LIN7A: variants seen among roughly 807,000 people sequenced by gnomAD.
LIN7A encodes lin-7 cell polarity scaffold A, also known as protein lin-7 homolog A.
A neutral mutation model predicts 29.8 loss-of-function variants in LIN7A; 25 were observed. The ratio of observed to expected loss-of-function variants is 0.84; its 90% CI spans 0.61 to 1.17. The LOEUF (loss-of-function observed/expected upper bound fraction) is 1.17, where lower values mean the gene tolerates loss of function less well. Among genes scored for constraint, LIN7A ranks in the 50% most tolerant of loss-of-function variants. The probability of loss-of-function intolerance (pLI) is 0.00; values close to 1 mark genes in which losing one functional copy is unlikely to be tolerated. For missense variants in LIN7A, 239 were observed against 287.0 expected, an observed-to-expected ratio of 0.83 and a Z score of 1.21; for synonymous variants, 118 against 107.5, an observed-to-expected ratio of 1.10 and a Z score of -0.60.
chr12:80,931,542 G>A (rs1877904895), intron 1 of LIN7A, among the ~76,000 whole-genome samples: 1 of 151,630 alleles, frequency 6.6e-6, no homozygotes, highest in African/African-American at 2.4e-5. Flanking sequence ...GGAGGCTGAG[G>A]CCAGAGAATC....
chr12:80,800,788 A>T (rs930936835), intron 5 of LIN7A, among the ~76,000 whole-genome samples: 2 of 152,064 alleles, frequency 1.3e-5, no homozygotes, highest in Non-Finnish European at 2.9e-5. Flanking sequence ...CCAGACGAAG[A>T]CACTAGAAGA....
chr12:80,863,323 T>C (rs905791093), intron 2 of LIN7A, among the ~76,000 whole-genome samples: 1 of 152,226 alleles, frequency 6.6e-6, no homozygotes, highest in Non-Finnish European at 1.5e-5. Flanking sequence ...AGGCAGTAAA[T>C]ATGCATAATT....
intron 2 of LIN7A, among the ~76,000 whole-genome samples, chr12:80,857,897 A>C (rs1023343504): frequency 6.6e-6 from 1 of 152,112 alleles, no homozygotes; most frequent in Admixed American, 6.6e-5. Context: ...CGTCTCCAGC[A>C]CTCTACCTCT....
chr12:80,872,794 A>G (rs1327007576), intron 2 of LIN7A, among the ~76,000 whole-genome samples: 1 of 152,236 alleles, frequency 6.6e-6, no homozygotes, highest in African/African-American at 2.4e-5. Context: ...TTACTGTCCC[A>G]TATATGAAGA....
chr12:80,924,627 A>G (rs1877479756), intron 1 of LIN7A, among the ~76,000 whole-genome samples: 2 of 152,332 alleles, frequency 1.3e-5, no homozygotes, highest in South Asian at 2.1e-4. Context: ...GGACTCAGTC[A>G]TCTGGATCCA....
At chr12:80,845,465 T>A (rs1192125950) in intron 4 of LIN7A, 1 of 363,686 alleles carries the variant, frequency 2.7e-6, no homozygotes, top group Non-Finnish European at 4.9e-6. Flanking sequence ...CTTGGAGTAT[T>A]ATGGGAAGAA....
chr12:80,937,575 T>C lies in LIN7A; in HGVS notation c.82+66A>G. Reference sequence around the variant, plus strand: ...GCGCGTCCCATGTCCCGTTGGGAATTGGCAGGCGGGGAAGGGAGGAGGGGA... The same window carrying C: ...GCGCGTCCCATGTCCCGTTGGGAATCGGCAGGCGGGGAAGGGAGGAGGGGA... On this transcript the variant is annotated intron_variant, in intron 1 of 5. Coordinates refer to ENST00000552864, the MANE Select transcript of LIN7A (RefSeq NM_004664.4). The C allele has an allele frequency of 5.8e-6, 7 of 1,204,474 alleles. No individual in the cohort carries two copies. The South Asian group carries it at 9.0e-5, about 16-fold the overall frequency. The allele number at this position is 1,204,474 out of a possible 1,614,324, so 74.6% of individuals were successfully genotyped here. A position where few individuals can be genotyped will look rare whatever the true frequency, so the allele number is the denominator to read the frequency against.
chr12:80,832,830 A>C (rs1685223160), intron 4 of LIN7A, among the ~76,000 whole-genome samples: 1 of 152,176 alleles, frequency 6.6e-6, no homozygotes, highest in South Asian at 2.1e-4. Context: ...GAACTAATTT[A>C]GTTTAAGATA....
intron 4 of LIN7A, among the ~76,000 whole-genome samples, chr12:80,841,406 A>AGGAAG (rs1872816492): frequency 6.7e-6 from 1 of 148,210 alleles, no homozygotes; most frequent in Admixed American, 6.7e-5. Flanking sequence ...GAAGGAAGGA[A>AGGAAG]GGAGGGAAAG....
At chr12:80,873,633 G>A (rs1874533079) in intron 2 of LIN7A, among the ~76,000 whole-genome samples, 1 of 151,530 alleles carries the variant, frequency 6.6e-6, no homozygotes, top group African/African-American at 2.4e-5. Flanking sequence ...CCTGTGCATT[G>A]TCAACAAGGT....
rs552737061 is a variant in LIN7A at position 80,889,560 on chromosome 12, G to A, written c.83-191C>T. On this transcript the variant is annotated intron_variant, in intron 1 of 5. Transcript: ENST00000552864. ...TCATTTTAATTTGTTCCACACATCTGTCACTTCATACATTTTCTTTGATGG... is the reference window on the plus strand; with the variant it reads ...TCATTTTAATTTGTTCCACACATCTATCACTTCATACATTTTCTTTGATGG... Among the ~76,000 whole-genome samples the A allele has an allele frequency of 8.6e-4, 131 of 152,188 alleles. 1 individual carries two copies. The highest frequency in any genetic ancestry group is 3.1e-3 in the African/African-American group (127 of 41,546).
chr12:80,923,341 G>A (rs1421510103), intron 1 of LIN7A, among the ~76,000 whole-genome samples: 1 of 151,948 alleles, frequency 6.6e-6, no homozygotes, highest in Non-Finnish European at 1.5e-5. Flanking sequence ...CTCCATAATT[G>A]TGTGAGCCAA....
intron 4 of LIN7A, among the ~76,000 whole-genome samples, chr12:80,839,688 C>A (rs1046538819): frequency 1.3e-5 from 2 of 152,182 alleles, no homozygotes; most frequent in Non-Finnish European, 2.9e-5. Context: ...GAGCTCGAAT[C>A]TACAGTTCTA....
At chr12:80,805,208 G>A (rs7966739) in intron 5 of LIN7A, among the ~76,000 whole-genome samples, 9,430 of 152,054 alleles carry the variant, frequency 0.062, 992 homozygotes, top group African/African-American at 0.21. Flanking sequence ...ATTTCTGTCC[G>A]GTGTTCTGCT....
At chr12:80,861,817 G>T (rs561854375) in intron 2 of LIN7A, among the ~76,000 whole-genome samples, 182 of 152,342 alleles carry the variant, frequency 1.2e-3, no homozygotes, top group African/African-American at 4.2e-3. Context: ...AAACAGACAT[G>T]ACTTAAAGAT....
intron 5 of LIN7A, among the ~76,000 whole-genome samples, chr12:80,804,905 C>T (rs1870904199): frequency 6.6e-6 from 1 of 151,938 alleles, no homozygotes; most frequent in African/African-American, 2.4e-5. Context: ...GTACAAGTAC[C>T]ACATTTTCTT....
chr12:80,875,874 CA>C (rs1056131252), intron 2 of LIN7A, among the ~76,000 whole-genome samples: 33 of 152,188 alleles, frequency 2.2e-4, no homozygotes, highest in African/African-American at 7.0e-4. Context: ...TAGAGATCCA[CA>C]AATTATAGAT....
intron 4 of LIN7A, among the ~76,000 whole-genome samples, chr12:80,829,371 A>G (rs1872234081): frequency 6.6e-6 from 1 of 152,180 alleles, no homozygotes; most frequent in Non-Finnish European, 1.5e-5. Flanking sequence ...TTCTCCCGAC[A>G]TCGTTAATTT....
chr12:80,868,493 G>C (rs533581257), intron 2 of LIN7A, among the ~76,000 whole-genome samples: 59 of 152,268 alleles, frequency 3.9e-4, no homozygotes, highest in African/African-American at 1.3e-3. Flanking sequence ...GTTTGAACCT[G>C]GGAGGTGGAG....
Sources: gnomAD v4.1 joint callset for allele counts (sites outside exome capture counted in the v4.1 genomes callset) on GRCh38, gnomAD v4.1.1 for gene constraint, MANE v1.5 for transcripts, NCBI Gene and HGNC (gene_info 2026-07-23, HGNC 2026-07-21) for gene names.